FKBP5: variants seen among roughly 807,000 people sequenced by gnomAD.
FKBP5 encodes the protein peptidyl-prolyl cis-trans isomerase FKBP5.
Under a neutral mutation model 50.5 loss-of-function variants are expected in FKBP5, and 23 were observed. That is an observed-to-expected ratio of 0.46 (90% CI 0.33 to 0.65). FKBP5 has a LOEUF of 0.65. Ranked by LOEUF, FKBP5 falls within the 30% of genes least tolerant of loss-of-function variation. FKBP5 has a pLI of 0.02. For synonymous variants in FKBP5, 176 were observed against 190.6 expected (o/e 0.92, Z 0.63); for missense variants, 411 against 553.1 (o/e 0.74, Z 2.58).
intron 2 of FKBP5, among the ~76,000 whole-genome samples, chr6:35,706,194 C>T (rs558220453): frequency 3.3e-5 from 5 of 152,050 alleles, no homozygotes; most frequent in African/African-American, 7.2e-5. Flanking sequence ...GAGGCCGAGA[C>T]GGGCAGATCA....
chr6:35,651,421 GA>G (rs901448463), intron 1 of FKBP5, among the ~76,000 whole-genome samples: 7 of 152,140 alleles, frequency 4.6e-5, no homozygotes, highest in Admixed American at 4.6e-4. Context: ...TGGAGAGCAA[GA>G]GAACTCTGGC....
chr6:35,710,429 T>A (rs1766393653), intron 2 of FKBP5, among the ~76,000 whole-genome samples: 1 of 151,168 alleles, frequency 6.6e-6, no homozygotes, highest in African/African-American at 2.4e-5. Context: ...ATTGCACAAC[T>A]ACACTCCAAC....
intron 9 of FKBP5, 75 bp downstream of exon 9, chr6:35,579,961 A>G (rs1762370238): frequency 8.7e-7 from 1 of 1,148,136 alleles, no homozygotes; most frequent in East Asian, 2.5e-5. Context: ...CCTTTGGCTG[A>G]GAGGAAGCAA....
chr6:35,582,642 G>A, intron 8 of FKBP5: 2 of 982,604 alleles, frequency 2.0e-6, no homozygotes, highest in Non-Finnish European at 2.4e-6. Flanking sequence ...AAGCCACCCA[G>A]TGTATGGTAT....
intron 5 of FKBP5, chr6:35,607,733 T>C (rs1005470161): frequency 1.6e-5 from 3 of 181,974 alleles, no homozygotes; most frequent in African/African-American, 2.4e-5. Flanking sequence ...CCTGACCAAA[T>C]ATACCAAGTT....
intron 1 of FKBP5, among the ~76,000 whole-genome samples, chr6:35,664,374 C>T (rs1469547784): frequency 6.6e-6 from 1 of 151,930 alleles, no homozygotes; most frequent in Non-Finnish European, 1.5e-5. Context: ...CCAAAAACTA[C>T]CCAAGACCCT....
chr6:35,649,423 T>C (rs1764724752), intron 1 of FKBP5, among the ~76,000 whole-genome samples: 1 of 132,034 alleles, frequency 7.6e-6, no homozygotes. Flanking sequence ...AGTAAGTATT[T>C]GGCTAAAAGG....
chr6:35,589,577 C>T (rs1255254918), intron 7 of FKBP5, among the ~76,000 whole-genome samples: 1 of 152,154 alleles, frequency 6.6e-6, no homozygotes, highest in Non-Finnish European at 1.5e-5. Context: ...CTGTGGCACA[C>T]CACTGGGAGA....
chr6:35,662,666 TAA>T (rs978042575), intron 1 of FKBP5, among the ~76,000 whole-genome samples: 3 of 152,158 alleles, frequency 2.0e-5, no homozygotes, highest in African/African-American at 7.2e-5. Flanking sequence ...TATAAATATA[TAA>T]GAGAACAAGG....
chr6:35,712,236 C>T (rs1359450446), intron 2 of FKBP5, among the ~76,000 whole-genome samples: 1 of 151,494 alleles, frequency 6.6e-6, no homozygotes, highest in Non-Finnish European at 1.5e-5. Flanking sequence ...TCTCTTTTTT[C>T]CCTTTATCCC....
rs934124959 is a variant in FKBP5, at chr6:35,586,062, T to C, written c.840+972A>G. ...GCTGAAAAACATCTAATTTCTGTAT[T>C]GCAGTGGCAGAAAACGAAAGAAACC... On this transcript the variant is annotated intron_variant, in intron 8 of 10. Coordinates refer to ENST00000357266, the MANE Select transcript of FKBP5 (RefSeq NM_004117.4). 4.1e-6 allele frequency: 4 copies of C among 985,110 alleles called. No homozygotes were observed. In the South Asian group the frequency reaches 1.4e-4, roughly 35 times the overall value. 61.0% of individuals were successfully genotyped at this position (985,110 alleles called of 1,614,324 possible).
At chr6:35,599,176 C>T (rs1763073533) in intron 5 of FKBP5, among the ~76,000 whole-genome samples, 1 of 151,956 alleles carries the variant, frequency 6.6e-6, no homozygotes, top group South Asian at 2.1e-4. Flanking sequence ...CATTCCATGC[C>T]CAATAAAACA....
intron 1 of FKBP5, among the ~76,000 whole-genome samples, chr6:35,657,639 ATAAGGTAACATATT>A (rs1764992665): frequency 6.6e-6 from 1 of 152,180 alleles, no homozygotes; most frequent in Non-Finnish European, 1.5e-5. Context: ...TTTCTGCCCT[ATAAGGTAACATATT>A]TACAAGTTCC....
At position 35,575,114 on chromosome 6, in the gene FKBP5, T is replaced by C. The variant is rs1264496408; in HGVS notation, c.*721A>G. ...TCCAGAAACTCTCATCTGCTCATTA[T>C]CATTGCTGAAGGGTGTTTTAGGAAT... On this transcript the variant is annotated 3_prime_UTR_variant, in exon 11 of 11. Coordinates refer to ENST00000357266, the MANE Select transcript of FKBP5 (RefSeq NM_004117.4). 1 of 152,212 alleles carries C rather than the reference T, an allele frequency of 6.6e-6. No homozygotes were observed. The allele number at this position is 152,212 out of a possible 1,614,324, so 9.4% of individuals were successfully genotyped here. A position where few individuals can be genotyped will look rare whatever the true frequency, so the allele number is the denominator to read the frequency against.
chr6:35,615,124 AAACAACAACAACAACAAC>A (rs534273489), intron 5 of FKBP5, among the ~76,000 whole-genome samples: 2 of 148,202 alleles, frequency 1.3e-5, no homozygotes, highest in African/African-American at 5.0e-5. Flanking sequence ...ACTCTGTCGC[AAACAACAACAACAACAAC>A]AACAACAACA....
intron 5 of FKBP5, among the ~76,000 whole-genome samples, chr6:35,600,389 G>A (rs1763109457): frequency 6.6e-6 from 1 of 151,734 alleles, no homozygotes; most frequent in Admixed American, 6.6e-5. Flanking sequence ...CTGTAATCTA[G>A]CCTGGGTGAC....
At chr6:35,640,192 G>C (rs186158240) in intron 2 of FKBP5, among the ~76,000 whole-genome samples, 1 of 152,184 alleles carries the variant, frequency 6.6e-6, no homozygotes, top group South Asian at 2.1e-4. Flanking sequence ...TGTGAACATC[G>C]CAGAGTGTAC....
intron 1 of FKBP5, among the ~76,000 whole-genome samples, chr6:35,665,882 T>G (rs1306196087): frequency 1.3e-5 from 2 of 152,232 alleles, no homozygotes; most frequent in Non-Finnish European, 2.9e-5. Flanking sequence ...CAGTTTTCAA[T>G]AAATTATGTG....
At position 35,660,887 on chromosome 6, in the gene FKBP5, C is replaced by T. The variant is rs1765058234; in HGVS notation, c.-19-18044G>A. Among the ~76,000 whole-genome samples the T allele has an allele frequency of 2.4e-5, 2 of 83,410 alleles. 1 individual carries two copies. The highest frequency in any genetic ancestry group is 8.5e-4 in the South Asian group (2 of 2,364). 54.7% of individuals were successfully genotyped at this position (83,410 alleles called of 152,430 possible). A position where few individuals can be genotyped will look rare whatever the true frequency, so the allele number is the denominator to read the frequency against. On this transcript the variant is annotated intron_variant, in intron 1 of 10. Coordinates refer to ENST00000357266, the MANE Select transcript of FKBP5 (RefSeq NM_004117.4). ...TGCATATTTAGGACTATTAATTTCA[C>T]TTGAAGGCAGCCAATCATGAAAGGC...
Sources: gnomAD v4.1 joint callset for allele counts (sites outside exome capture counted in the v4.1 genomes callset) on GRCh38, gnomAD v4.1.1 for gene constraint, MANE v1.5 for transcripts, NCBI Gene and HGNC (gene_info 2026-07-23, HGNC 2026-07-21) for gene names.